The following DSCAM variants were observed in gnomAD, a reference collection of about 807,000 sequenced individuals.
DSCAM encodes the protein cell adhesion molecule DSCAM.
DSCAM carries 47 observed loss-of-function variants against 217.7 expected under a neutral mutation model. That is an observed-to-expected ratio of 0.22 (90% CI 0.17 to 0.28). The LOEUF (loss-of-function observed/expected upper bound fraction) is 0.28. Ranked by LOEUF, DSCAM falls within the 10% of genes least tolerant of loss-of-function variation. DSCAM has a pLI of 1.00. For synonymous variants in DSCAM, 1,056 were observed against 1,015.3 expected, an observed-to-expected ratio of 1.04 and a Z score of -0.76; for missense variants, 2,080 against 2,618.3, an observed-to-expected ratio of 0.79 and a Z score of 4.49.
intron 1 of DSCAM, among the ~76,000 whole-genome samples, chr21:40,773,351 C>T (rs2091462713): frequency 6.6e-6 from 1 of 152,204 alleles, no homozygotes; most frequent in Non-Finnish European, 1.5e-5. Flanking sequence ...CTTTGGCATA[C>T]TTTGGCTTGT....
intron 11 of DSCAM, among the ~76,000 whole-genome samples, chr21:40,230,827 T>C (rs1173565515): frequency 2.0e-5 from 3 of 152,056 alleles, no homozygotes; most frequent in Non-Finnish European, 4.4e-5. Flanking sequence ...TTGGGGAGTG[T>C]TCCATACTTA....
At chr21:40,413,199 G>A (rs1338248543) in intron 3 of DSCAM, among the ~76,000 whole-genome samples, 1 of 152,218 alleles carries the variant, frequency 6.6e-6, no homozygotes, top group Non-Finnish European at 1.5e-5. Flanking sequence ...TGTGGGGTCA[G>A]AGTCCCCACA....
chr21:40,112,855 G>T (rs950714786), intron 20 of DSCAM, among the ~76,000 whole-genome samples: 22 of 152,098 alleles, frequency 1.4e-4, no homozygotes, highest in Admixed American at 1.4e-3. Flanking sequence ...ACCCTCCCAA[G>T]ACTAAACCAG....
chr21:40,367,165 G>C (rs2074842181), intron 4 of DSCAM, among the ~76,000 whole-genome samples: 1 of 152,106 alleles, frequency 6.6e-6, no homozygotes, highest in African/African-American at 2.4e-5. Context: ...ACCTCATGCA[G>C]TTCTATCCCA....
At chr21:40,322,198 G>A (rs546377276) in intron 8 of DSCAM, among the ~76,000 whole-genome samples, 1 of 152,094 alleles carries the variant, frequency 6.6e-6, no homozygotes, top group East Asian at 1.9e-4. Flanking sequence ...GCTGCCCCTC[G>A]CCCAGGACAT....
At chr21:40,017,671 C>T (rs2088185649) in intron 32 of DSCAM, among the ~76,000 whole-genome samples, 1 of 152,100 alleles carries the variant, frequency 6.6e-6, no homozygotes, top group South Asian at 2.1e-4. Flanking sequence ...CCCCCCTCAG[C>T]CTCCTGAGTA....
intron 3 of DSCAM, among the ~76,000 whole-genome samples, chr21:40,602,272 G>A (rs1179921353): frequency 6.6e-6 from 1 of 152,026 alleles, no homozygotes; most frequent in Non-Finnish European, 1.5e-5. Flanking sequence ...TGTTGCCCAG[G>A]CTGGTCTGGA....
chr21:40,538,373 G>C (rs1043563062), intron 3 of DSCAM, among the ~76,000 whole-genome samples: 2 of 152,150 alleles, frequency 1.3e-5, no homozygotes, highest in Non-Finnish European at 2.9e-5. Context: ...ACCCGGAGCT[G>C]TTGGCTTCAA....
chr21:40,574,925 C>G (rs933406053), intron 3 of DSCAM, among the ~76,000 whole-genome samples: 3 of 152,122 alleles, frequency 2.0e-5, no homozygotes, highest in African/African-American at 7.2e-5. Flanking sequence ...ACTACCATCT[C>G]AAAACAATTA....
chr21:40,441,686 T>C (rs960218845), intron 3 of DSCAM, among the ~76,000 whole-genome samples: 1 of 152,148 alleles, frequency 6.6e-6, no homozygotes, highest in Non-Finnish European at 1.5e-5. Flanking sequence ...TAGGATAAAA[T>C]TTAAACCCTT....
At chr21:40,492,610 G>T (rs894406519) in intron 3 of DSCAM, among the ~76,000 whole-genome samples, 7 of 151,620 alleles carry the variant, frequency 4.6e-5, no homozygotes, top group African/African-American at 7.3e-5. Context: ...TGCAATAAAG[G>T]TCATCAACAG....
chr21:40,133,986 T>C lies in DSCAM; in HGVS notation c.3430A>G (p.Thr1144Ala). Residue 1144 changes from threonine to alanine, a missense_variant, in exon 19 of 33, where the codon ACC becomes GCC. Thr to Ala is a moderately conservative substitution (Grantham distance 58). Coordinates refer to ENST00000400454, the MANE Select transcript of DSCAM (RefSeq NM_001389.5). ...DGELGEIKNI[T>A]TTQPSLELDG... ...AGCTCCAGTGAAGGCTGTGTGGTGG[T>C]GATGTTTTTAATCTCACCCAGCTCT... 6.2e-7 allele frequency: 1 copy of C among 1,611,334 alleles called. No individual in the cohort carries two copies. Among genetic ancestry groups the C allele is most frequent in the East Asian group, 2.2e-5 (1 of 44,620 alleles).
chr21:40,605,435 C>T (rs73905004), intron 3 of DSCAM, among the ~76,000 whole-genome samples: 9 of 152,246 alleles, frequency 5.9e-5, no homozygotes, highest in Admixed American at 3.9e-4. Context: ...TGGGTGCCCT[C>T]GCTGAAAATC....
At position 40,277,086 on chromosome 21, in the gene DSCAM, G is replaced by A. The variant is rs1190893171; in HGVS notation, c.2183-816C>T. On this transcript the variant is annotated intron_variant, in intron 10 of 32. Coordinates refer to ENST00000400454, the MANE Select transcript of DSCAM (RefSeq NM_001389.5). ...TGCTGCCTGCTTCTGGCCTGGAGGA[G>A]TTGGGTGGGCTGGGAGAATGGGATT... is the stretch of plus-strand genomic sequence containing the variant. Among the ~76,000 whole-genome samples, 5 of 152,270 alleles carry A rather than the reference G, an allele frequency of 3.3e-5. No individual in the cohort carries two copies. The East Asian group carries it at 9.7e-4, about 29-fold the overall frequency.
intron 3 of DSCAM, among the ~76,000 whole-genome samples, chr21:40,674,482 G>A (rs561953258): frequency 1.9e-4 from 29 of 152,216 alleles, no homozygotes; most frequent in African/African-American, 6.7e-4. Context: ...AAACACACAT[G>A]AAGGATATAA....
intron 3 of DSCAM, 79 bp from the exon 4 acceptor site, chr21:40,369,324 T>A (rs2074869278): frequency 4.1e-6 from 6 of 1,446,098 alleles, no homozygotes; most frequent in Admixed American, 2.4e-5. Context: ...CTTAAACAGT[T>A]TTTTTTTTCC....
chr21:40,418,552 T>G (rs1304668209), intron 3 of DSCAM, among the ~76,000 whole-genome samples: 3 of 152,204 alleles, frequency 2.0e-5, no homozygotes, highest in Non-Finnish European at 4.4e-5. Flanking sequence ...AAAGCAAGCC[T>G]TCTTTTGCTC....
chr21:40,075,012 G>A lies in DSCAM; in HGVS notation c.4888+25C>T, dbSNP rs765143978. On this transcript the variant is annotated intron_variant, in intron 27 of 32. Transcript: ENST00000400454. Reference sequence around the variant, plus strand: ...TGCAGAGCAGCAGGGGACACGCGTAGGTGGACAGCTGGGCCTGGACCTACC... The same window carrying A: ...TGCAGAGCAGCAGGGGACACGCGTAAGTGGACAGCTGGGCCTGGACCTACC... 6.8e-6 allele frequency: 11 copies of A among 1,612,810 alleles called. No individual in the cohort carries two copies. In the Admixed American group the frequency reaches 1.7e-4, roughly 24 times the overall value.
At chr21:40,076,277 A>T (rs1448890564) in intron 26 of DSCAM, among the ~76,000 whole-genome samples, 1 of 152,114 alleles carries the variant, frequency 6.6e-6, no homozygotes, top group Non-Finnish European at 1.5e-5. Context: ...CACTTACAGG[A>T]TGCCCATGAA....
Sources: gnomAD v4.1 joint callset for allele counts (sites outside exome capture counted in the v4.1 genomes callset) on GRCh38, gnomAD v4.1.1 for gene constraint, MANE v1.5 for transcripts, NCBI Gene and HGNC (gene_info 2026-07-23, HGNC 2026-07-21) for gene names.